TMEM278: variants seen among roughly 807,000 people sequenced by gnomAD.
TMEM278 encodes transmembrane protein 278.
chr1:1,428,200 AAGGGC>A, the TMEM278 span, among the ~76,000 whole-genome samples: 8 of 136,630 alleles, frequency 5.9e-5, no homozygotes, highest in East Asian at 1.1e-3. Flanking sequence ...GAGGGGAGGG[AAGGGC>A]AGGGCAGGGC....
the TMEM278 span, among the ~76,000 whole-genome samples, chr1:1,428,931 C>A: frequency 7.1e-6 from 1 of 140,972 alleles, no homozygotes; most frequent in Non-Finnish European, 1.5e-5. Flanking sequence ...ACCTGGGAGG[C>A]AAAGCTTGCA....
the TMEM278 span, chr1:1,426,430 G>C: frequency 7.5e-7 from 1 of 1,325,926 alleles, no homozygotes; most frequent in Non-Finnish European, 9.7e-7. Flanking sequence ...GGGTCCTGGG[G>C]AGTGGGCGTG....
At chr1:1,428,551 A>G in the TMEM278 span, among the ~76,000 whole-genome samples, 1 of 152,212 alleles carries the variant, frequency 6.6e-6, no homozygotes, top group South Asian at 2.1e-4. Context: ...CAGGTCCACA[A>G]CGTTCATCAG....
chr1:1,426,734 C>G, the TMEM278 span, among the ~76,000 whole-genome samples: 3 of 152,068 alleles, frequency 2.0e-5, no homozygotes, highest in Non-Finnish European at 2.9e-5. Context: ...CCAGCCCCTC[C>G]CCAAACACAC....
the TMEM278 span, among the ~76,000 whole-genome samples, chr1:1,428,856 T>C: frequency 6.6e-6 from 1 of 151,898 alleles, no homozygotes; most frequent in Admixed American, 6.6e-5. Context: ...AGAAATTAGC[T>C]GGGCTTGGTG....
chr1:1,429,280 A>G, the TMEM278 span, among the ~76,000 whole-genome samples: 3 of 152,062 alleles, frequency 2.0e-5, no homozygotes, highest in African/African-American at 7.2e-5. Flanking sequence ...CACTGGAGGC[A>G]GAGGTTGGAG....
At chr1:1,428,347 C>T in the TMEM278 span, among the ~76,000 whole-genome samples, 4 of 152,008 alleles carry the variant, frequency 2.6e-5, no homozygotes, top group Non-Finnish European at 4.4e-5. Flanking sequence ...TCGGCCAAGC[C>T]CAGGGTTCCA....
chr1:1,427,775 C>A, the TMEM278 span: 2 of 1,363,616 alleles, frequency 1.5e-6, no homozygotes, highest in Non-Finnish European at 1.9e-6. Context: ...AGCAACTCTG[C>A]GCCTGGGTGT....
the TMEM278 span, chr1:1,426,455 G>C: frequency 1.6e-6 from 2 of 1,244,980 alleles, no homozygotes; most frequent in South Asian, 4.0e-5. Context: ...GGGTCTGAAG[G>C]CACTGTGCCC....
chr1:1,427,873 C>T, the TMEM278 span: 3 of 1,208,304 alleles, frequency 2.5e-6, no homozygotes, highest in Non-Finnish European at 3.2e-6. Context: ...CTGAGGGTCG[C>T]CCCCGCTGCC....
chr1:1,426,850 C>T, the TMEM278 span, among the ~76,000 whole-genome samples: 25 of 152,112 alleles, frequency 1.6e-4, no homozygotes, highest in East Asian at 5.8e-4. Flanking sequence ...CGGGGGCTGG[C>T]GCCAGCTGGT....
the TMEM278 span, among the ~76,000 whole-genome samples, chr1:1,429,332 A>G: frequency 1.3e-5 from 2 of 151,940 alleles, no homozygotes; most frequent in African/African-American, 4.8e-5. Flanking sequence ...TGGGTGACAA[A>G]GTGAAACTCC....
chr1:1,428,119 A>AGAGAGGG, the TMEM278 span, among the ~76,000 whole-genome samples: 2 of 128 alleles, frequency 0.016, no homozygotes, highest in African/African-American at 0.056. Context: ...GGGGAGGGGA[A>AGAGAGGG]GAGGGGAGGG....
At chr1:1,428,771 A>C in the TMEM278 span, among the ~76,000 whole-genome samples, 11 of 152,224 alleles carry the variant, frequency 7.2e-5, no homozygotes, top group East Asian at 1.5e-3. Flanking sequence ...GAAGCCGAGG[A>C]GGGCGGATCA....
chr1:1,426,487 C>T, the TMEM278 span: 2 of 994,680 alleles, frequency 2.0e-6, no homozygotes, highest in South Asian at 2.6e-5. Context: ...TGCCCCTTGT[C>T]CTCAGAGACA....
chr1:1,427,716 G>C, the TMEM278 span: 1 of 1,318,604 alleles, frequency 7.6e-7, no homozygotes, highest in Admixed American at 3.5e-5. Flanking sequence ...GCCTCCGCCC[G>C]CTGGGACCCC....
At chr1:1,426,101 G>C in the TMEM278 span, 17 of 1,365,866 alleles carry the variant, frequency 1.2e-5, no homozygotes, top group Middle Eastern at 2.3e-4. Context: ...AGCACCGCCC[G>C]GGCCACAGGC....
the TMEM278 span, chr1:1,427,534 A>G: frequency 1.9e-6 from 1 of 534,854 alleles, no homozygotes; most frequent in East Asian, 3.3e-4. Context: ...CCCCCCACTG[A>G]CGGCCCGCCC....
the TMEM278 span, among the ~76,000 whole-genome samples, chr1:1,428,316 T>G: frequency 4.0e-5 from 6 of 151,594 alleles, no homozygotes; most frequent in Middle Eastern, 3.2e-3. Flanking sequence ...GCTCTGGGGC[T>G]CCCAGGGGAG....
Sources: allele counts gnomAD v4.1 joint callset (sites outside exome capture counted in the v4.1 genomes callset), GRCh38; gene constraint gnomAD v4.1.1; transcripts MANE v1.5; gene names NCBI Gene and HGNC (gene_info 2026-07-23, HGNC 2026-07-21).